SUGCT: variants seen among roughly 807,000 people sequenced by gnomAD.
The protein encoded by SUGCT is succinyl-CoA:glutarate-CoA transferase.
In SUGCT, 41 loss-of-function variants were observed where a neutral mutation model predicts 55.0. The observed-to-expected ratio is 0.74, with a 90% CI of 0.58 to 0.97. SUGCT has a LOEUF of 0.97. SUGCT is among the 50% of genes least tolerant of loss of function. The pLI is 0.00. For missense variants in SUGCT, 568 were observed against 547.8 expected (o/e 1.04, Z -0.37); for synonymous variants, 187 against 200.4 (o/e 0.93, Z 0.56).
chr7:40,920,188 C>CTAGCTCACTGGT, the SUGCT span, among the ~76,000 whole-genome samples: 1 of 152,122 alleles, frequency 6.6e-6, no homozygotes, highest in African/African-American at 2.4e-5. Flanking sequence ...ATTTATATTT[C>CTAGCTCACTGGT]TAGCTCACTG....
intron 9 of SUGCT, among the ~76,000 whole-genome samples, chr7:40,399,037 A>C (rs1017027194): frequency 1.6e-4 from 25 of 152,314 alleles, no homozygotes; most frequent in African/African-American, 5.8e-4. Flanking sequence ...TGCAATGTGG[A>C]AAGTGAATCT....
At chr7:40,969,362 A>G in the SUGCT span, among the ~76,000 whole-genome samples, 1 of 152,080 alleles carries the variant, frequency 6.6e-6, no homozygotes, top group East Asian at 1.9e-4. Flanking sequence ...TTATGTATTT[A>G]TGTATTTATT....
chr7:40,591,728 A>G lies in SUGCT; in HGVS notation c.1089+95342A>G, dbSNP rs184141834. 9.5e-4 allele frequency among the ~76,000 whole-genome samples: 144 copies of G among 152,346 alleles called. 1 individual carries two copies. The highest frequency in any genetic ancestry group is 3.2e-3 in the African/African-American group (135 of 41,580). On this transcript the variant is annotated intron_variant, in intron 12 of 13. Coordinates refer to ENST00000335693, the MANE Select transcript of SUGCT (RefSeq NM_001193313.2). ...CTTTGATCAGTCAGCAGCCATCAAC[A>G]TCAAGGCAAGACCCTCCACCAGTAA...
chr7:40,876,005 T>A, the SUGCT span, among the ~76,000 whole-genome samples: 1 of 152,200 alleles, frequency 6.6e-6, no homozygotes, highest in Non-Finnish European at 1.5e-5. Flanking sequence ...AAGGATAGCA[T>A]AGAAGAGGGG....
intron 9 of SUGCT, among the ~76,000 whole-genome samples, chr7:40,409,342 C>T (rs1294557773): frequency 6.6e-6 from 1 of 151,960 alleles, no homozygotes; most frequent in Non-Finnish European, 1.5e-5. Flanking sequence ...TGGCTCACAG[C>T]AGCCTTGACT....
At chr7:40,353,917 A>G (rs1482696629) in intron 9 of SUGCT, among the ~76,000 whole-genome samples, 7 of 151,956 alleles carry the variant, frequency 4.6e-5, no homozygotes, top group African/African-American at 1.7e-4. Context: ...TTTCATTTTT[A>G]TGGCATTTGG....
intron 6 of SUGCT, among the ~76,000 whole-genome samples, chr7:40,220,992 C>T (rs1023804253): frequency 1.3e-5 from 2 of 152,132 alleles, no homozygotes; most frequent in East Asian, 1.9e-4. Context: ...GAGTCAGTGT[C>T]TTTATCATCA....
chr7:40,454,217 A>G (rs138666899), intron 10 of SUGCT, among the ~76,000 whole-genome samples: 2 of 152,358 alleles, frequency 1.3e-5, no homozygotes, highest in Non-Finnish European at 2.9e-5. Flanking sequence ...TTGTAGTCCC[A>G]GAATGAGGGG....
the SUGCT span, among the ~76,000 whole-genome samples, chr7:40,939,283 AT>A: frequency 6.6e-6 from 1 of 152,198 alleles, no homozygotes; most frequent in Non-Finnish European, 1.5e-5. Flanking sequence ...CGAAAACAGT[AT>A]GGGAGAAACC....
chr7:40,448,961 T>G (rs180754541), intron 9 of SUGCT, among the ~76,000 whole-genome samples: 11,016 of 143,864 alleles, frequency 0.077, 614 homozygotes, highest in African/African-American at 0.16. Flanking sequence ...TATATATATA[T>G]AGAGAGAGAG....
chr7:40,871,995 G>T, the SUGCT span, among the ~76,000 whole-genome samples: 1 of 152,086 alleles, frequency 6.6e-6, no homozygotes, highest in Non-Finnish European at 1.5e-5. Flanking sequence ...GACATTTTTG[G>T]TTCTCATAAC....
chr7:40,638,216 G>T (rs551642767), intron 12 of SUGCT, among the ~76,000 whole-genome samples: 30 of 152,338 alleles, frequency 2.0e-4, no homozygotes, highest in African/African-American at 7.2e-4. Context: ...TGCCTTGGCT[G>T]TGAGGTGTGT....
intron 13 of SUGCT, among the ~76,000 whole-genome samples, chr7:40,767,858 G>A (rs1241595740): frequency 6.6e-6 from 1 of 152,132 alleles, no homozygotes; most frequent in East Asian, 1.9e-4. Context: ...CCAAGAACGA[G>A]ATGGAATCAT....
At chr7:40,829,750 A>G (rs1292464186) in intron 13 of SUGCT, among the ~76,000 whole-genome samples, 1 of 151,998 alleles carries the variant, frequency 6.6e-6, no homozygotes, top group East Asian at 1.9e-4. Context: ...ACAGATGACC[A>G]TGTCCGGCCC....
intron 8 of SUGCT, among the ~76,000 whole-genome samples, chr7:40,284,972 C>A (rs908840866): frequency 2.0e-5 from 3 of 152,034 alleles, no homozygotes; most frequent in African/African-American, 7.2e-5. Flanking sequence ...TAACTGAAGT[C>A]ATTAGTTATA....
Position 40,181,961 on chromosome 7 carries a change from G to T in SUGCT, c.159G>T (p.Leu53=). ...ATCATTTTTAACATTGTAGAGTCCT[G>T]GCGGGACCTTTTGCTACTATGAATT... The part of the protein sequence containing the change: ...GVKILDLTRV[L]AGPFATMNLG... Residue 53 remains leucine, a synonymous_variant, in exon 3 of 14, where the codon CTG becomes CTT. Coordinates refer to ENST00000335693, the MANE Select transcript of SUGCT (RefSeq NM_001193313.2). 1 of 1,586,162 alleles carries T rather than the reference G, an allele frequency of 6.3e-7. No individual in the cohort carries two copies.
intron 12 of SUGCT, among the ~76,000 whole-genome samples, chr7:40,652,668 T>C (rs1357477651): frequency 4.6e-5 from 7 of 152,242 alleles, no homozygotes; most frequent in Admixed American, 1.3e-4. Flanking sequence ...TCTGTCTTCA[T>C]GGATATTTGA....
At chr7:40,582,761 TTC>T (rs1797169779) in intron 12 of SUGCT, among the ~76,000 whole-genome samples, 1 of 152,210 alleles carries the variant, frequency 6.6e-6, no homozygotes, top group Admixed American at 6.5e-5. Context: ...AAGGAAACTC[TTC>T]GTAGCTTCCT....
intron 12 of SUGCT, among the ~76,000 whole-genome samples, chr7:40,616,522 A>G (rs1470801923): frequency 1.3e-5 from 2 of 152,270 alleles, no homozygotes; most frequent in Non-Finnish European, 2.9e-5. Context: ...AGCGAAATAA[A>G]GCTAAAGTGG....
Sources: allele counts gnomAD v4.1 joint callset (sites outside exome capture counted in the v4.1 genomes callset), GRCh38; gene constraint gnomAD v4.1.1; transcripts MANE v1.5; gene names NCBI Gene and HGNC (gene_info 2026-07-23, HGNC 2026-07-21).